Variants in PLCB1 observed in about 807,000 individuals in gnomAD.
The protein encoded by PLCB1 is 1-phosphatidylinositol 4,5-bisphosphate phosphodiesterase beta-1.
PLCB1 carries 46 observed loss-of-function variants against 161.8 expected under a neutral mutation model. The ratio of observed to expected loss-of-function variants is 0.28; its 90% CI spans 0.22 to 0.36. The LOEUF is 0.36. Among genes scored for constraint, PLCB1 ranks in the 10% least tolerant of loss-of-function variants. PLCB1 has a pLI of 1.00. For missense variants in PLCB1, 1,016 were observed against 1,472.5 expected (o/e 0.69, Z 5.07); for synonymous variants, 517 against 503.7 (o/e 1.03, Z -0.35).
At chr20:8,750,844 A>T in intron 23 of PLCB1, 1 of 1,365,832 alleles carries the variant, frequency 7.3e-7, no homozygotes, top group Non-Finnish European at 9.8e-7. Context: ...CTCACCCGTA[A>T]TACGCTGGAA....
intron 2 of PLCB1, among the ~76,000 whole-genome samples, chr20:8,260,685 G>A (rs1366398426): frequency 6.6e-6 from 1 of 152,132 alleles, no homozygotes; most frequent in Non-Finnish European, 1.5e-5. Flanking sequence ...AATAAACAAT[G>A]AGCTAGAGGG....
At chr20:8,316,380 C>G (rs1257175008) in intron 2 of PLCB1, among the ~76,000 whole-genome samples, 2 of 152,142 alleles carry the variant, frequency 1.3e-5, no homozygotes, top group Non-Finnish European at 2.9e-5. Flanking sequence ...AATTTCCTTG[C>G]TGGGAATTCA....
intron 31 of PLCB1, among the ~76,000 whole-genome samples, chr20:8,844,977 G>C (rs930287379): frequency 6.6e-6 from 1 of 151,938 alleles, no homozygotes; most frequent in Non-Finnish European, 1.5e-5. Flanking sequence ...AGCCGGGTGA[G>C]GTGGTGGGCG....
At chr20:8,542,745 G>A (rs1985382004) in intron 3 of PLCB1, among the ~76,000 whole-genome samples, 1 of 152,198 alleles carries the variant, frequency 6.6e-6, no homozygotes, top group African/African-American at 2.4e-5. Context: ...AAGCCAGAAA[G>A]GACCTTAGAG....
In PLCB1 at chr20:8,882,639, C is replaced by A. The variant is rs1437979885; in HGVS notation, c.*790C>A. On this transcript the variant is annotated 3_prime_UTR_variant, in exon 32 of 32. Coordinates refer to ENST00000338037, the MANE Select transcript of PLCB1 (RefSeq NM_015192.4). Reference sequence around the variant, plus strand: ...AGTCTGGGTATTCATTGGTTATTGGCCTGAAATGATCAAATAACTACAAAT... The same window carrying A: ...AGTCTGGGTATTCATTGGTTATTGGACTGAAATGATCAAATAACTACAAAT... The A allele has an allele frequency of 6.6e-6, 1 of 152,392 alleles. No homozygotes were observed. The highest frequency in any genetic ancestry group is 2.4e-5 in the African/African-American group (1 of 41,380). The allele number at this position is 152,392 out of a possible 1,614,324, so 9.4% of individuals were successfully genotyped here.
At chr20:8,680,034 C>T (rs1166120371) in intron 9 of PLCB1, among the ~76,000 whole-genome samples, 1 of 152,110 alleles carries the variant, frequency 6.6e-6, no homozygotes, top group African/African-American at 2.4e-5. Flanking sequence ...AGGAATTTGT[C>T]CCTGACCAGT....
At position 8,827,036 on chromosome 20, in the gene PLCB1, T is replaced by G. The variant is rs550284547; in HGVS notation, c.3423+36775T>G. On this transcript the variant is annotated intron_variant, in intron 31 of 31. Coordinates refer to ENST00000338037, the MANE Select transcript of PLCB1 (RefSeq NM_015192.4). ...TAGGTCAGTTTTGCAAGTTCATTAT[T>G]TCAAGCTGTCTAAAGGAGGTATAGG... 2.6e-5 allele frequency among the ~76,000 whole-genome samples: 4 copies of G among 152,334 alleles called. No individual in the cohort carries two copies. In the East Asian group the frequency reaches 7.7e-4, roughly 29 times the overall value.
intron 3 of PLCB1, among the ~76,000 whole-genome samples, chr20:8,417,452 T>G (rs1389140936): frequency 2.9e-5 from 4 of 136,836 alleles, no homozygotes; most frequent in African/African-American, 7.1e-5. Context: ...ATTCAGGGTT[T>G]TTTTTTTTTA....
intron 27 of PLCB1, among the ~76,000 whole-genome samples, chr20:8,787,029 C>T (rs6077422): frequency 0.33 from 50,336 of 152,034 alleles, 8,814 homozygotes; most frequent in East Asian, 0.5. Context: ...AAAACTAGGC[C>T]TGACATATAG....
intron 9 of PLCB1, among the ~76,000 whole-genome samples, chr20:8,680,952 GT>G (rs1990193526): frequency 6.7e-6 from 1 of 150,072 alleles, no homozygotes; most frequent in Admixed American, 6.7e-5. Context: ...TGTGTTTTTG[GT>G]TTTTGGTTTA....
intron 3 of PLCB1, among the ~76,000 whole-genome samples, chr20:8,432,792 G>A (rs1980111152): frequency 6.6e-6 from 1 of 152,206 alleles, no homozygotes; most frequent in Admixed American, 6.5e-5. Context: ...AAGGAGGAGA[G>A]AGATTGTTGC....
intron 19 of PLCB1, 22 bp downstream of exon 19, chr20:8,733,414 A>G (rs1568577159): frequency 1.2e-6 from 2 of 1,608,030 alleles, no homozygotes; most frequent in Non-Finnish European, 8.5e-7. Context: ...CCATCACAAA[A>G]TTGTTCCTAA....
intron 3 of PLCB1, among the ~76,000 whole-genome samples, chr20:8,587,803 T>G (rs1165505188): frequency 2.0e-5 from 3 of 151,982 alleles, no homozygotes; most frequent in Non-Finnish European, 4.4e-5. Context: ...AGGTAAGGAG[T>G]CCTGGGTTTG....
At chr20:8,574,932 A>G (rs1280966763) in intron 3 of PLCB1, among the ~76,000 whole-genome samples, 2 of 152,248 alleles carry the variant, frequency 1.3e-5, no homozygotes, top group Admixed American at 6.5e-5. Context: ...GTAAAGAGAG[A>G]CACAGCTGGG....
rs191656655 is a variant in PLCB1, at chr20:8,616,531, C to T, written c.247-11763C>T. 1.7e-3 allele frequency among the ~76,000 whole-genome samples: 261 copies of T among 152,288 alleles called. 2 individuals are homozygous for T. Among genetic ancestry groups the T allele is most frequent in the Middle Eastern group, 3.4e-3 (1 of 294 alleles). On this transcript the variant is annotated intron_variant, in intron 3 of 31. Transcript: ENST00000338037. ...GAGGCTGTTTGATTAATTTAATGCC[C>T]GTTTCCTTGCCAGAATGTAAGCACC...
rs542750601 is a variant in PLCB1, at chr20:8,698,758, G to A, written c.1167+975G>A. 4.6e-5 allele frequency among the ~76,000 whole-genome samples: 7 copies of A among 152,244 alleles called. No homozygotes were observed. The South Asian group carries it at 1.5e-3, about 32-fold the overall frequency. ...TGCAGTGGATTGGGTGCTGTCAGGAGGCACAAACAATCCTATGAGAGGGTA... is the reference window on the plus strand; with the variant it reads ...TGCAGTGGATTGGGTGCTGTCAGGAAGCACAAACAATCCTATGAGAGGGTA... On this transcript the variant is annotated intron_variant, in intron 11 of 31. Transcript: ENST00000338037.
At position 8,884,373 on chromosome 20, in the gene PLCB1, T is replaced by C. The variant is rs1459446714; in HGVS notation, c.*2524T>C. 6.6e-6 allele frequency: 1 copy of C among 152,610 alleles called. No homozygotes were observed. Among genetic ancestry groups the C allele is most frequent in the African/African-American group, 2.4e-5 (1 of 41,454 alleles). 9.5% of individuals were successfully genotyped at this position (152,610 alleles called of 1,614,324 possible). A position where few individuals can be genotyped will look rare whatever the true frequency, so the allele number is the denominator to read the frequency against. On this transcript the variant is annotated 3_prime_UTR_variant, in exon 32 of 32. Transcript: ENST00000338037. ...GTGTGAAATTCCGTACTGTGGTTTT[T>C]CCTATAATAGAAAGTAGAGCTGTGT...
chr20:8,368,904 T>C (rs1392138336), intron 2 of PLCB1, among the ~76,000 whole-genome samples: 1 of 116,270 alleles, frequency 8.6e-6, no homozygotes, highest in Non-Finnish European at 1.6e-5. Context: ...GCTGGCAAAC[T>C]CTGTCTCATC....
chr20:8,722,013 A>T (rs1169651665), intron 14 of PLCB1, among the ~76,000 whole-genome samples: 2 of 152,186 alleles, frequency 1.3e-5, no homozygotes, highest in Non-Finnish European at 2.9e-5. Context: ...AATAGAATAC[A>T]TGTACCATAG....
Sources: allele counts gnomAD v4.1 joint callset (sites outside exome capture counted in the v4.1 genomes callset), GRCh38; gene constraint gnomAD v4.1.1; transcripts MANE v1.5; gene names NCBI Gene and HGNC (gene_info 2026-07-23, HGNC 2026-07-21).